The following LRCH2 variants were observed in gnomAD, a reference collection of about 807,000 sequenced individuals.
The protein encoded by LRCH2 is leucine-rich repeat and calponin homology domain-containing protein 2.
Under a neutral mutation model 68.9 loss-of-function variants are expected in LRCH2, and 38 were observed. That is an observed-to-expected ratio of 0.55 (90% CI 0.43 to 0.72). The LOEUF is 0.72. Ranked by LOEUF, LRCH2 falls within the 30% of genes least tolerant of loss-of-function variation. LRCH2 has a pLI of 0.00. For synonymous variants in LRCH2, 191 were observed against 208.1 expected (o/e 0.92, Z 0.71); for missense variants, 528 against 572.9 (o/e 0.92, Z 0.80).
Position 115,126,871 on chromosome X carries a change from A to C in LRCH2, c.1763T>G (p.Met588Arg), listed in dbSNP as rs1556528308. The C allele has an allele frequency of 9.3e-7, 1 of 1,077,385 alleles. No individual in the cohort carries two copies. The highest frequency in any genetic ancestry group is 3.6e-5 in the East Asian group (1 of 27,564). The allele number at this position is 1,077,385 out of a possible 1,213,427, so 88.8% of individuals were successfully genotyped here. A position where few individuals can be genotyped will look rare whatever the true frequency, so the allele number is the denominator to read the frequency against. The change falls in exon 16 of 21, where the codon ATG becomes AGG. Residue 588 changes from methionine to arginine, a missense_variant. Coordinates refer to ENST00000317135, the MANE Select transcript of LRCH2 (RefSeq NM_020871.4). Reference protein sequence around the residue: ...NDEQDSDNANMSTQSPVSSEE... With the variant: ...NDEQDSDNANRSTQSPVSSEE... The stretch of plus-strand genomic sequence containing the variant: ...AGATGATACTGGAGATTGTGTTGAC[A>C]TATTAGCATTATCACTGTCTTGCTA...
intron 2 of LRCH2, among the ~76,000 whole-genome samples, chrX:115,185,349 C>A (rs1315607848): frequency 7.2e-5 from 8 of 111,675 alleles, no homozygotes; most frequent in African/African-American, 2.3e-4. Context: ...AGTCACACAG[C>A]TGTTAAATGG....
At chrX:115,206,072 A>G (rs2072964770) in intron 1 of LRCH2, among the ~76,000 whole-genome samples, 1 of 111,988 alleles carries the variant, frequency 8.9e-6, no homozygotes, top group Non-Finnish European at 1.9e-5. Context: ...GACATTACTA[A>G]TCTACACATT....
At chrX:115,226,805 T>C (rs1253110500) in intron 1 of LRCH2, among the ~76,000 whole-genome samples, 1 of 111,219 alleles carries the variant, frequency 9.0e-6, no homozygotes, top group Admixed American at 9.6e-5. Context: ...CTCTGAGATA[T>C]CAGCATTCAT....
intron 1 of LRCH2, chrX:115,189,524 T>G: frequency 2.5e-5 from 29 of 1,181,546 alleles, no homozygotes; most frequent in Non-Finnish European, 3.3e-5. Context: ...AAAGCCGAGT[T>G]TGGCAAGTAT....
At chrX:115,169,061 G>A (rs1475768460) in intron 6 of LRCH2, among the ~76,000 whole-genome samples, 2 of 112,003 alleles carry the variant, frequency 1.8e-5, no homozygotes, top group African/African-American at 3.2e-5. Context: ...CATTCTTTCT[G>A]CCTAAGATGC....
intron 14 of LRCH2, chrX:115,139,016 C>T (rs1329672555): frequency 1.8e-5 from 2 of 112,125 alleles, no homozygotes; most frequent in Non-Finnish European, 3.8e-5. Context: ...TATACATATA[C>T]ATATACATAT....
At position 115,175,266 on chromosome X, in the gene LRCH2, G is replaced by A. The variant is rs144183438; in HGVS notation, c.864+4161C>T. 6.1e-3 allele frequency among the ~76,000 whole-genome samples: 676 copies of A among 111,031 alleles called. 6 individuals are homozygous for A. The highest frequency in any genetic ancestry group is 0.021 in the African/African-American group (633 of 30,518). ...TCTCACCTCCTCATTCTCACTAGAG[G>A]CAAGTCATGGAAACAAGAATTTATC... On this transcript the variant is annotated intron_variant, in intron 5 of 20. Coordinates refer to ENST00000317135, the MANE Select transcript of LRCH2 (RefSeq NM_020871.4).
intron 11 of LRCH2, among the ~76,000 whole-genome samples, chrX:115,160,044 G>A (rs183773020): frequency 5.4e-5 from 6 of 111,505 alleles, no homozygotes; most frequent in East Asian, 5.7e-4. Context: ...ACTGCCAGGC[G>A]TGGTGGCTCA....
chrX:115,186,446 A>G (rs1556554482), intron 2 of LRCH2, among the ~76,000 whole-genome samples: 1 of 111,343 alleles, frequency 9.0e-6, no homozygotes, highest in East Asian at 2.8e-4. Context: ...AATTGTCACT[A>G]TTTTACTACA....
chrX:115,125,719 C>T (rs2072194429), intron 16 of LRCH2, among the ~76,000 whole-genome samples: 2 of 96,349 alleles, frequency 2.1e-5, no homozygotes, highest in South Asian at 4.7e-4. Context: ...AATAGTCTTC[C>T]CTGTGAACAC....
chrX:115,189,423 C>G (rs2072761414), intron 1 of LRCH2: 1 of 1,154,381 alleles, frequency 8.7e-7, no homozygotes, highest in South Asian at 2.0e-5. Flanking sequence ...TCCTCTGACC[C>G]ACCATTCGGC....
At chrX:115,212,724 A>G (rs781790405) in intron 1 of LRCH2, among the ~76,000 whole-genome samples, 1 of 109,222 alleles carries the variant, frequency 9.2e-6, no homozygotes, top group South Asian at 4.2e-4. Flanking sequence ...CAATCCCAAC[A>G]CTTTGGGAGG....
chrX:115,203,710 T>C (rs2072945453), intron 1 of LRCH2, among the ~76,000 whole-genome samples: 1 of 112,681 alleles, frequency 8.9e-6, no homozygotes, highest in African/African-American at 3.2e-5. Context: ...AGCACACTGA[T>C]GGAAGGGGTG....
chrX:115,194,185 T>G (rs1284383201), intron 1 of LRCH2, among the ~76,000 whole-genome samples: 1 of 111,467 alleles, frequency 9.0e-6, no homozygotes, highest in Non-Finnish European at 1.9e-5. Context: ...ATTCTTAACC[T>G]TATGTAAAAT....
chrX:115,155,229 A>C (rs2072465993), intron 12 of LRCH2, among the ~76,000 whole-genome samples: 1 of 109,817 alleles, frequency 9.1e-6, no homozygotes, highest in Non-Finnish European at 1.9e-5. Context: ...ACTCAGTATG[A>C]TCTCATTTTT....
chrX:115,121,213 A>T (rs1328933599), intron 20 of LRCH2, among the ~76,000 whole-genome samples: 2 of 111,074 alleles, frequency 1.8e-5, no homozygotes, highest in Non-Finnish European at 3.8e-5. Context: ...GGGTTTTTTT[A>T]ATTTTAAAAA....
chrX:115,233,203 T>C (rs1556578984), intron 1 of LRCH2, among the ~76,000 whole-genome samples: 6 of 112,060 alleles, frequency 5.4e-5, no homozygotes, highest in African/African-American at 3.2e-5. Context: ...AAGAATATCG[T>C]AGGATGATTA....
chrX:115,157,477 T>G (rs782409917), intron 11 of LRCH2, among the ~76,000 whole-genome samples: 52 of 108,124 alleles, frequency 4.8e-4, no homozygotes, highest in Non-Finnish European at 7.1e-4. Flanking sequence ...AGTTGGTAAT[T>G]ACAGAAATAT....
intron 1 of LRCH2, among the ~76,000 whole-genome samples, chrX:115,199,220 C>A (rs1247813967): frequency 1.8e-5 from 2 of 111,992 alleles, no homozygotes; most frequent in Non-Finnish European, 1.9e-5. Flanking sequence ...AAACCAAAGG[C>A]AAACATTCCA....
Sources: allele counts gnomAD v4.1 joint callset (sites outside exome capture counted in the v4.1 genomes callset), GRCh38; gene constraint gnomAD v4.1.1; transcripts MANE v1.5; gene names NCBI Gene and HGNC (gene_info 2026-07-23, HGNC 2026-07-21).